DLEU7: variants seen among roughly 807,000 people sequenced by gnomAD.
DLEU7 encodes the protein deleted in lymphocytic leukemia 7, also known as leukemia-associated protein 7.
Under a neutral mutation model 16.0 loss-of-function variants are expected in DLEU7, and 17 were observed. That is an observed-to-expected ratio of 1.06 (90% confidence interval 0.73 to 1.59). The LOEUF (loss-of-function observed/expected upper bound fraction) is 1.59, where lower values mean the gene tolerates loss of function less well. Among genes scored for constraint, DLEU7 ranks in the 40% most tolerant of loss-of-function variants. DLEU7 has a pLI of 0.00. For synonymous variants in DLEU7, 113 were observed against 139.8 expected (o/e 0.81, Z 1.35); for missense variants, 308 against 314.9 (o/e 0.98, Z 0.17).
intron 1 of DLEU7, among the ~76,000 whole-genome samples, chr13:50,714,087 A>G (rs1873370244): frequency 6.6e-6 from 1 of 152,206 alleles, no homozygotes; most frequent in Non-Finnish European, 1.5e-5. Flanking sequence ...CAACTATTGC[A>G]CATACTCAAG....
At chr13:50,792,784 C>G (rs1875998636) in intron 1 of DLEU7, among the ~76,000 whole-genome samples, 1 of 152,146 alleles carries the variant, frequency 6.6e-6, no homozygotes, top group Non-Finnish European at 1.5e-5. Flanking sequence ...TTTAAGCCAG[C>G]CCTTTCCTCC....
intron 1 of DLEU7, among the ~76,000 whole-genome samples, chr13:50,815,442 C>G (rs1366241885): frequency 1.3e-5 from 2 of 152,118 alleles, no homozygotes; most frequent in Non-Finnish European, 2.9e-5. Flanking sequence ...AAATTACACA[C>G]ACATATACGC....
intron 1 of DLEU7, among the ~76,000 whole-genome samples, chr13:50,762,781 C>T (rs1054130856): frequency 6.8e-6 from 1 of 147,730 alleles, no homozygotes; most frequent in Non-Finnish European, 1.5e-5. Flanking sequence ...AGGTTAATCT[C>T]CTGCCCTTTA....
chr13:50,729,018 T>A (rs1353518392), intron 1 of DLEU7, among the ~76,000 whole-genome samples: 1 of 152,034 alleles, frequency 6.6e-6, no homozygotes, highest in Non-Finnish European at 1.5e-5. Flanking sequence ...TCAGATATAT[T>A]TATTTATTTA....
intron 1 of DLEU7, among the ~76,000 whole-genome samples, chr13:50,758,607 G>A (rs947609206): frequency 1.3e-5 from 2 of 152,182 alleles, no homozygotes; most frequent in Non-Finnish European, 2.9e-5. Context: ...ACCGGGGGAA[G>A]TCAGCTCTAA....
In DLEU7 at chr13:50,823,300, G is replaced by A. The variant is rs772921274; in HGVS notation, c.*14C>T. On this transcript the variant is annotated 3_prime_UTR_variant, in exon 2 of 2. Transcript: ENST00000504404. ...CAGTGCTGGCTGTGGTTTTACTCCCGATGCCTTTAACACTCATATGTCTGG... is the reference window on the plus strand; with the variant it reads ...CAGTGCTGGCTGTGGTTTTACTCCCAATGCCTTTAACACTCATATGTCTGG... 2.5e-4 allele frequency: 380 copies of A among 1,534,362 alleles called. 5 individuals are homozygous for A. In the East Asian group the frequency reaches 8.8e-3, roughly 35 times the overall value.
chr13:50,785,402 A>G (rs1875771615), intron 1 of DLEU7, among the ~76,000 whole-genome samples: 1 of 152,218 alleles, frequency 6.6e-6, no homozygotes, highest in African/African-American at 2.4e-5. Flanking sequence ...AGTACAGAAC[A>G]GTTTTCACCT....
intron 1 of DLEU7, among the ~76,000 whole-genome samples, chr13:50,786,241 G>A (rs1875791350): frequency 6.6e-6 from 1 of 152,074 alleles, no homozygotes. Flanking sequence ...CTACCTGTGT[G>A]GCAAATACAC....
At chr13:50,802,289 G>T (rs1876275017) in intron 1 of DLEU7, among the ~76,000 whole-genome samples, 1 of 152,156 alleles carries the variant, frequency 6.6e-6, no homozygotes, top group Admixed American at 6.6e-5. Flanking sequence ...GTACAATCAA[G>T]TTAAGAGAGC....
chr13:50,832,269 G>A (rs1477069009), intron 1 of DLEU7, among the ~76,000 whole-genome samples: 1 of 152,148 alleles, frequency 6.6e-6, no homozygotes, highest in Non-Finnish European at 1.5e-5. Flanking sequence ...TAGCTTATTT[G>A]CACAGAGGTG....
intron 1 of DLEU7, among the ~76,000 whole-genome samples, chr13:50,841,909 T>C (rs1373405980): frequency 6.6e-6 from 1 of 152,124 alleles, no homozygotes; most frequent in Admixed American, 6.5e-5. Flanking sequence ...CTAAAGTGAG[T>C]GTAGGAGTGC....
chr13:50,835,459 T>TCACA (rs1877424541), intron 1 of DLEU7, among the ~76,000 whole-genome samples: 2 of 152,236 alleles, frequency 1.3e-5, no homozygotes, highest in South Asian at 4.1e-4. Flanking sequence ...CACACTATTT[T>TCACA]TCTTAAGGTT....
chr13:50,805,092 T>A (rs1035698535), intron 1 of DLEU7, among the ~76,000 whole-genome samples: 1 of 152,200 alleles, frequency 6.6e-6, no homozygotes, highest in South Asian at 2.1e-4. Flanking sequence ...CTATGAATAG[T>A]TGTGGTAGTA....
intron 1 of DLEU7, among the ~76,000 whole-genome samples, chr13:50,806,552 T>G (rs553229895): frequency 6.6e-6 from 1 of 152,240 alleles, no homozygotes; most frequent in South Asian, 2.1e-4. Context: ...AAATTCTGAC[T>G]CATATTAGAC....
chr13:50,808,205 G>T (rs1876449960), intron 1 of DLEU7, among the ~76,000 whole-genome samples: 1 of 152,190 alleles, frequency 6.6e-6, no homozygotes, highest in South Asian at 2.1e-4. Flanking sequence ...GAAATAAGCA[G>T]CTTCCATTCT....
At chr13:50,764,215 A>G (rs1875032034) in intron 1 of DLEU7, among the ~76,000 whole-genome samples, 1 of 152,216 alleles carries the variant, frequency 6.6e-6, no homozygotes, top group Non-Finnish European at 1.5e-5. Context: ...GTGTTTTGTG[A>G]GAATTAAAGA....
chr13:50,757,845 CT>C (rs1874808754), intron 1 of DLEU7, among the ~76,000 whole-genome samples: 1 of 152,190 alleles, frequency 6.6e-6, no homozygotes, highest in South Asian at 2.1e-4. Flanking sequence ...GGCTAACCAG[CT>C]GCTGAGGAGT....
intron 1 of DLEU7, among the ~76,000 whole-genome samples, chr13:50,757,174 G>A (rs1343038110): frequency 1.3e-5 from 2 of 152,168 alleles, no homozygotes; most frequent in Non-Finnish European, 2.9e-5. Flanking sequence ...TAAAATTCAT[G>A]ATGCAAGCCT....
At chr13:50,792,131 C>G (rs893133444) in intron 1 of DLEU7, among the ~76,000 whole-genome samples, 14 of 152,162 alleles carry the variant, frequency 9.2e-5, no homozygotes, top group Admixed American at 8.5e-4. Flanking sequence ...TGATAACACT[C>G]AGAACCAGTG....
Sources: gnomAD v4.1 joint callset for allele counts (sites outside exome capture counted in the v4.1 genomes callset) on GRCh38, gnomAD v4.1.1 for gene constraint, MANE v1.5 for transcripts, NCBI Gene and HGNC (gene_info 2026-07-23, HGNC 2026-07-21) for gene names.